The following ZNF860 variants were observed in gnomAD, a reference collection of about 807,000 sequenced individuals.
ZNF860 encodes the protein zinc finger protein 860.
For synonymous variants in ZNF860, 206 were observed against 248.9 expected, an observed-to-expected ratio of 0.83 and a Z score of 1.62; for missense variants, 641 against 759.2, an observed-to-expected ratio of 0.84 and a Z score of 1.83.
In ZNF860 at chr3:31,988,784, C is replaced by T; in HGVS notation, c.-296C>T. ...CACCTTATAAGCAGATTTTCTGAGA[C>T]CTGCTAACAGCCATGTGAGTGACCT... On this transcript the variant is annotated 5_prime_UTR_variant, in exon 2 of 2. Coordinates refer to ENST00000360311, the MANE Select transcript of ZNF860 (RefSeq NM_001137674.3). The T allele has an allele frequency of 2.3e-6, 1 of 434,576 alleles. No individual in the cohort carries two copies. 26.9% of individuals were successfully genotyped at this position (434,576 alleles called of 1,614,324 possible).
At chr3:31,988,035 T>A (rs1698960338) in intron 1 of ZNF860, among the ~76,000 whole-genome samples, 1 of 152,152 alleles carries the variant, frequency 6.6e-6, no homozygotes, top group Non-Finnish European at 1.5e-5. Context: ...CAGAGAAGTA[T>A]TCCCAGGCCT....
intron 1 of ZNF860, among the ~76,000 whole-genome samples, chr3:31,984,460 G>GA (rs2125513397): frequency 6.6e-6 from 1 of 152,130 alleles, no homozygotes; most frequent in South Asian, 2.1e-4. Flanking sequence ...CTTGCACTGA[G>GA]TCAGTTCCTG....
intron 1 of ZNF860, among the ~76,000 whole-genome samples, chr3:31,986,062 T>TGAAACTGC (rs1224321076): frequency 6.6e-6 from 1 of 152,206 alleles, no homozygotes; most frequent in African/African-American, 2.4e-5. Context: ...CTCTACTTAA[T>TGAAACTGC]GAAACTGCAG....
downstream of ZNF860, among the ~76,000 whole-genome samples, chr3:31,996,088 G>A (rs149284882): frequency 3.9e-4 from 60 of 152,304 alleles, no homozygotes; most frequent in East Asian, 6.8e-3. Context: ...AAGGCAGAAT[G>A]TTCTTGACTG....
At chr3:32,005,705 A>G in the ZNF860 span, among the ~76,000 whole-genome samples, 1 of 151,972 alleles carries the variant, frequency 6.6e-6, no homozygotes, top group Non-Finnish European at 1.5e-5. Context: ...CTCCTGCCTC[A>G]GCCTCCTGAG....
At chr3:31,995,974 G>A (rs1699087119), downstream of ZNF860, among the ~76,000 whole-genome samples, 1 of 152,178 alleles carries the variant, frequency 6.6e-6, no homozygotes, top group African/African-American at 2.4e-5. Flanking sequence ...AATGGAGGAT[G>A]AATCCAATCT....
downstream of ZNF860, among the ~76,000 whole-genome samples, chr3:31,992,620 A>G (rs938551370): frequency 2.0e-5 from 3 of 152,150 alleles, no homozygotes; most frequent in Non-Finnish European, 4.4e-5. Flanking sequence ...CATTTTTCAT[A>G]AGGACCCTTG....
the ZNF860 span, among the ~76,000 whole-genome samples, chr3:32,000,594 G>A: frequency 1.3e-5 from 2 of 152,176 alleles, no homozygotes; most frequent in African/African-American, 4.8e-5. Context: ...ACATCTGTGC[G>A]AAATTGCGGG....
At chr3:31,995,317 G>T (rs1699079756), downstream of ZNF860, among the ~76,000 whole-genome samples, 1 of 152,140 alleles carries the variant, frequency 6.6e-6, no homozygotes, top group Non-Finnish European at 1.5e-5. Flanking sequence ...CATCCCCAGA[G>T]CGGCCGTTTA....
downstream of ZNF860, among the ~76,000 whole-genome samples, chr3:31,992,467 G>A (rs2125523759): frequency 6.6e-6 from 1 of 152,274 alleles, no homozygotes; most frequent in South Asian, 2.1e-4. Flanking sequence ...GAGGCTCTAG[G>A]GGAGAATCTA....
At chr3:31,983,126 A>C (rs1439111314) in intron 1 of ZNF860, among the ~76,000 whole-genome samples, 1 of 152,224 alleles carries the variant, frequency 6.6e-6, no homozygotes, top group Non-Finnish European at 1.5e-5. Context: ...GTTTGTTTGA[A>C]GCCATTGAGA....
chr3:32,000,601 C>T, the ZNF860 span, among the ~76,000 whole-genome samples: 1 of 152,186 alleles, frequency 6.6e-6, no homozygotes, highest in African/African-American at 2.4e-5. Context: ...TGCGAAATTG[C>T]GGGGCTGTTC....
chr3:31,990,462 GACCTTCCATCACAATTCA>G lies in ZNF860; in HGVS notation c.1384_1401del (p.Thr462_Ser467del). On this transcript the variant is annotated inframe_deletion, in exon 2 of 2. Transcript: ENST00000360311. ...CTTACAAGTGTAATGAGTGTGGCAA[GACCTTCCATCACAATTCA>G]GCCCTTGTAATTCATAAGGCAATTC... The G allele has an allele frequency of 6.4e-7, 1 of 1,567,294 alleles. No homozygotes were observed. The highest frequency in any genetic ancestry group is 1.2e-5 in the South Asian group (1 of 84,674).
Position 31,990,725 on chromosome 3 carries a change from G to A in ZNF860, c.1646G>A (p.Arg549His), listed in dbSNP as rs752530277. The change falls in exon 2 of 2, where the codon CGC becomes CAC. Residue 549 changes from arginine (R) to histidine (H), a missense_variant. Physicochemically the swap from Arg to His is conservative, Grantham distance 29. Coordinates refer to ENST00000360311, the MANE Select transcript of ZNF860 (RefSeq NM_001137674.3). ...GAAGAATGTGACACAGTTTTCAGTC[G>A]CAAATCACACCATGAAACACATAAG... Reference protein sequence around the residue: ...KCEECDTVFSRKSHHETHKRI... With the variant: ...KCEECDTVFSHKSHHETHKRI... 2.0e-5 allele frequency: 32 copies of A among 1,613,544 alleles called. No homozygotes were observed. The highest frequency in any genetic ancestry group is 8.3e-5 in the Admixed American group (5 of 59,972).
chr3:31,988,580 C>T (rs901106460), intron 1 of ZNF860, 80 bp from the exon 2 acceptor site: 4 of 166,018 alleles, frequency 2.4e-5, no homozygotes, highest in Admixed American at 1.1e-4. Context: ...CCAAGATCAG[C>T]TTATAAACAG....
At chr3:31,998,715 G>A in the ZNF860 span, among the ~76,000 whole-genome samples, 1,672 of 152,194 alleles carry the variant, frequency 0.011, 35 homozygotes, top group African/African-American at 0.038. Context: ...TGAGAACTCC[G>A]CCCTTTCCCT....
Position 31,990,845 on chromosome 3 carries a change from T to C in ZNF860, c.1766T>C (p.Met589Thr), listed in dbSNP as rs1699019409. The change falls in exon 2 of 2, where the codon ATG becomes ACG. Residue 589 changes from methionine to threonine, a missense_variant. Physicochemically the swap from Met to Thr is moderately conservative, Grantham distance 81 (BLOSUM62 -1). Transcript: ENST00000360311. Reference sequence around the variant, plus strand: ...TATGCAAAACAAAGGAGAATTCATATGGGAGAGAAACATCACAAGTGTGAT... The same window carrying C: ...TATGCAAAACAAAGGAGAATTCATACGGGAGAGAAACATCACAAGTGTGAT... ...SSYAKQRRIH[M>T]GEKHHKCDDC... 1.3e-6 allele frequency: 2 copies of C among 1,585,280 alleles called. No individual in the cohort carries two copies. Among genetic ancestry groups the C allele is most frequent in the African/African-American group, 2.7e-5 (2 of 74,072 alleles).
intron 1 of ZNF860, among the ~76,000 whole-genome samples, chr3:31,982,529 C>T (rs62244398): frequency 0.083 from 12,688 of 152,174 alleles, 1,048 homozygotes; most frequent in East Asian, 0.47. Context: ...TCTAGCTTCA[C>T]ATCCTTCCAG....
At chr3:32,003,462 G>A in the ZNF860 span, among the ~76,000 whole-genome samples, 1 of 152,194 alleles carries the variant, frequency 6.6e-6, no homozygotes, top group Non-Finnish European at 1.5e-5. Flanking sequence ...CCTGTTTCCT[G>A]AGGACATTTA....
Sources: allele counts gnomAD v4.1 joint callset (sites outside exome capture counted in the v4.1 genomes callset), GRCh38; gene constraint gnomAD v4.1.1; transcripts MANE v1.5; gene names NCBI Gene and HGNC (gene_info 2026-07-23, HGNC 2026-07-21).